PIK3C2G: variants seen among roughly 807,000 people sequenced by gnomAD.
PIK3C2G encodes phosphatidylinositol 3-kinase C2 domain-containing subunit gamma.
PIK3C2G carries 168 observed loss-of-function variants against 181.1 expected under a neutral mutation model. That is an observed-to-expected ratio of 0.93 (90% CI 0.82 to 1.05). The LOEUF (loss-of-function observed/expected upper bound fraction) is 1.05. Among genes scored for constraint, PIK3C2G ranks in the 50% least tolerant of loss-of-function variants. The pLI, the probability that PIK3C2G is intolerant of heterozygous loss-of-function variation, is 0.00. For missense variants in PIK3C2G, 1,869 were observed against 1,732.8 expected, an observed-to-expected ratio of 1.08 and a Z score of -1.40; for synonymous variants, 573 against 592.2, an observed-to-expected ratio of 0.97 and a Z score of 0.47.
chr12:18,650,319 C>CTATATATA (rs1327950260), downstream of PIK3C2G, among the ~76,000 whole-genome samples: 2 of 96,786 alleles, frequency 2.1e-5, no homozygotes, highest in African/African-American at 5.6e-5. Context: ...CTCTCTCTCT[C>CTATATATA]TCTCTCTCTC....
At chr12:18,599,328 A>G (rs1947566922) in intron 30 of PIK3C2G, among the ~76,000 whole-genome samples, 1 of 151,888 alleles carries the variant, frequency 6.6e-6, no homozygotes, top group Admixed American at 6.6e-5. Flanking sequence ...ATAAAAAATG[A>G]TGAGTTCATG....
chr12:18,505,507 C>T, intron 24 of PIK3C2G, 46 bp downstream of exon 24: 1 of 1,434,562 alleles, frequency 7.0e-7, no homozygotes, highest in Non-Finnish European at 9.5e-7. Flanking sequence ...GTGTCCTAAG[C>T]AATATGTATA....
the PIK3C2G span, chr12:18,713,111 A>G: frequency 2.2e-5 from 29 of 1,295,552 alleles, no homozygotes; most frequent in Middle Eastern, 4.4e-4. Context: ...ATAAAACTCT[A>G]TAAAAACTTG....
At chr12:18,503,046 AAAT>A (rs1304568412) in intron 22 of PIK3C2G, among the ~76,000 whole-genome samples, 1 of 152,176 alleles carries the variant, frequency 6.6e-6, no homozygotes, top group African/African-American at 2.4e-5. Flanking sequence ...GCTCTAGAAA[AAAT>A]ATTAAAGCTG....
chr12:18,342,041 A>G (rs1592004684), intron 9 of PIK3C2G, among the ~76,000 whole-genome samples: 1 of 152,272 alleles, frequency 6.6e-6, no homozygotes, highest in East Asian at 1.9e-4. Context: ...ATTTCCATTA[A>G]ATGCTTACAT....
the PIK3C2G span, chr12:18,694,097 T>G: frequency 9.2e-7 from 1 of 1,084,650 alleles, no homozygotes; most frequent in Non-Finnish European, 1.4e-6. Flanking sequence ...GCTGTATCTC[T>G]AGTGAACTAC....
intron 24 of PIK3C2G, among the ~76,000 whole-genome samples, chr12:18,536,145 G>A (rs1216435847): frequency 2.0e-5 from 3 of 152,024 alleles, no homozygotes; most frequent in Non-Finnish European, 2.9e-5. Context: ...ATCCACTTAC[G>A]GGTTTATGCA....
the PIK3C2G span, chr12:18,701,440 C>T: frequency 6.2e-7 from 1 of 1,606,360 alleles, no homozygotes; most frequent in South Asian, 1.1e-5. Context: ...AAAAAATCTC[C>T]AAGAATAAAA....
chr12:18,715,446 G>C, the PIK3C2G span, among the ~76,000 whole-genome samples: 4 of 151,264 alleles, frequency 2.6e-5, no homozygotes, highest in Non-Finnish European at 5.9e-5. Flanking sequence ...CTGTCGCCCA[G>C]ACTGGGGTGC....
chr12:18,399,308 G>A (rs969705503), intron 15 of PIK3C2G, among the ~76,000 whole-genome samples: 3 of 150,780 alleles, frequency 2.0e-5, no homozygotes, highest in African/African-American at 7.3e-5. Context: ...TTCTAAATAG[G>A]ATGTGTCGCA....
chr12:18,412,885 C>T (rs187040510), intron 16 of PIK3C2G, among the ~76,000 whole-genome samples: 1 of 152,116 alleles, frequency 6.6e-6, no homozygotes, highest in African/African-American at 2.4e-5. Context: ...CTTCCCTGCA[C>T]GTGTAAGCAT....
chr12:18,467,752 C>A (rs1938046683), intron 18 of PIK3C2G, among the ~76,000 whole-genome samples: 1 of 151,870 alleles, frequency 6.6e-6, no homozygotes, highest in African/African-American at 2.4e-5. Context: ...TCTGGAACCA[C>A]CCTAACTCCA....
At chr12:18,513,228 G>T (rs548037461) in intron 24 of PIK3C2G, among the ~76,000 whole-genome samples, 4 of 151,676 alleles carry the variant, frequency 2.6e-5, no homozygotes, top group South Asian at 2.1e-4. Flanking sequence ...TTGCATCTAC[G>T]TTAATTAGAA....
chr12:18,478,851 T>G (rs1353489594), intron 18 of PIK3C2G, among the ~76,000 whole-genome samples: 3 of 151,786 alleles, frequency 2.0e-5, no homozygotes, highest in Non-Finnish European at 4.4e-5. Flanking sequence ...GGCGCAAGCC[T>G]GTGGTCCCAG....
intron 18 of PIK3C2G, among the ~76,000 whole-genome samples, chr12:18,478,053 A>C (rs574367453): frequency 6.6e-6 from 1 of 152,316 alleles, no homozygotes; most frequent in East Asian, 1.9e-4. Context: ...AATTTTGTTA[A>C]GGAAACTTTA....
upstream of PIK3C2G, chr12:18,261,400 C>T (rs1948227935): frequency 6.6e-6 from 1 of 151,790 alleles, no homozygotes; most frequent in Admixed American, 6.6e-5. Context: ...CCATATAACC[C>T]TTCAGGGTTT....
chr12:18,717,045 A>G, the PIK3C2G span, among the ~76,000 whole-genome samples: 1 of 152,174 alleles, frequency 6.6e-6, no homozygotes, highest in East Asian at 1.9e-4. Flanking sequence ...TTATGCCACT[A>G]GTCACAAGGA....
At chr12:18,707,156 T>C in the PIK3C2G span, among the ~76,000 whole-genome samples, 1 of 152,206 alleles carries the variant, frequency 6.6e-6, no homozygotes, top group African/African-American at 2.4e-5. Flanking sequence ...TCTAGAGGTC[T>C]TTAACTTAAT....
Position 18,503,218 on chromosome 12 carries a change from T to A in PIK3C2G, c.3017-63T>A. ...TGCTGGAAGCTATTGTTGTTATATTTCCTAAGGCTCCCTCATCTTGTGATG... is the reference window on the plus strand; with the variant it reads ...TGCTGGAAGCTATTGTTGTTATATTACCTAAGGCTCCCTCATCTTGTGATG... On this transcript the variant is annotated intron_variant, in intron 22 of 32. Transcript: ENST00000538779. The A allele has an allele frequency of 2.3e-6, 3 of 1,287,182 alleles. No homozygotes were observed. The East Asian group carries it at 7.3e-5, about 31-fold the overall frequency. 79.7% of individuals were successfully genotyped at this position (1,287,182 alleles called of 1,614,324 possible).
Sources: gnomAD v4.1 joint callset for allele counts (sites outside exome capture counted in the v4.1 genomes callset) on GRCh38, gnomAD v4.1.1 for gene constraint, MANE v1.5 for transcripts, NCBI Gene and HGNC (gene_info 2026-07-23, HGNC 2026-07-21) for gene names.